The following NTN1 variants were observed in gnomAD, a reference collection of about 807,000 sequenced individuals.
NTN1 encodes the protein netrin 1.
Under a neutral mutation model 54.2 loss-of-function variants are expected in NTN1, and 11 were observed. The observed-to-expected ratio is 0.20, with a 90% CI of 0.13 to 0.34. The LOEUF (loss-of-function observed/expected upper bound fraction) is 0.34, where lower values mean the gene tolerates loss of function less well. NTN1 is among the 10% of genes least tolerant of loss of function. The pLI is 1.00. For synonymous variants in NTN1, 371 were observed against 382.0 expected, an observed-to-expected ratio of 0.97 and a Z score of 0.33; for missense variants, 740 against 893.1, an observed-to-expected ratio of 0.83 and a Z score of 2.18.
intron 2 of NTN1, among the ~76,000 whole-genome samples, chr17:9,106,972 G>A (rs1427164837): frequency 6.6e-6 from 1 of 152,206 alleles, no homozygotes; most frequent in East Asian, 1.9e-4. Flanking sequence ...CATACTGATC[G>A]CATTTAAAGC....
chr17:9,216,262 A>T (rs955238525), intron 5 of NTN1, among the ~76,000 whole-genome samples: 5 of 152,186 alleles, frequency 3.3e-5, no homozygotes, highest in African/African-American at 4.8e-5. Context: ...GCCCTTCTGA[A>T]GGGGATTTTA....
intron 2 of NTN1, among the ~76,000 whole-genome samples, chr17:9,045,154 G>T (rs1195710222): frequency 6.6e-6 from 1 of 152,236 alleles, no homozygotes; most frequent in Non-Finnish European, 1.5e-5. Flanking sequence ...AGGCCAGAAT[G>T]ATTCCTAGCC....
intron 2 of NTN1, among the ~76,000 whole-genome samples, chr17:9,046,537 G>C (rs944735912): frequency 6.6e-6 from 1 of 152,102 alleles, no homozygotes; most frequent in African/African-American, 2.4e-5. Context: ...CTACGATCCC[G>C]GTACTTCGGG....
intron 2 of NTN1, among the ~76,000 whole-genome samples, chr17:9,024,448 C>T (rs1430678876): frequency 6.6e-6 from 1 of 152,224 alleles, no homozygotes; most frequent in Non-Finnish European, 1.5e-5. Flanking sequence ...TATGAACGTA[C>T]AGATTTTTCC....
chr17:9,233,798 C>T (rs1905892354), intron 6 of NTN1, among the ~76,000 whole-genome samples: 1 of 151,538 alleles, frequency 6.6e-6, no homozygotes, highest in African/African-American at 2.4e-5. Context: ...TTCACTGCAG[C>T]CAGGGACGCG....
chr17:9,030,577 T>A (rs1214051283), intron 2 of NTN1, among the ~76,000 whole-genome samples: 1 of 151,980 alleles, frequency 6.6e-6, no homozygotes, highest in Non-Finnish European at 1.5e-5. Context: ...AAACCCCTTC[T>A]CTACTAAAAA....
chr17:9,158,402 G>A (rs2142295104), intron 2 of NTN1, among the ~76,000 whole-genome samples: 1 of 152,306 alleles, frequency 6.6e-6, no homozygotes, highest in South Asian at 2.1e-4. Context: ...ACAGGATGAT[G>A]CTGTTATCAG....
chr17:9,243,707 C>CTGCCCCCTCCTGTGTTTT lies in NTN1; in HGVS notation c.*3740_*3757dup, dbSNP rs1906309089. The CTGCCCCCTCCTGTGTTTT allele has an allele frequency of 6.6e-6, 1 of 152,294 alleles. No individual in the cohort carries two copies. Among genetic ancestry groups the CTGCCCCCTCCTGTGTTTT allele is most frequent in the African/African-American group, 2.4e-5 (1 of 41,436 alleles). The allele number at this position is 152,294 out of a possible 1,614,324, so 9.4% of individuals were successfully genotyped here. ...CCCAAATGCACTTCCCCTCCTCCCT[C>CTGCCCCCTCCTGTGTTTT]TGCCCCCTCCTGTGTTTTGGATTTC... On this transcript the variant is annotated 3_prime_UTR_variant, in exon 7 of 7. Transcript: ENST00000173229.
intron 2 of NTN1, among the ~76,000 whole-genome samples, chr17:9,029,504 C>G (rs573681641): frequency 2.0e-5 from 3 of 152,234 alleles, no homozygotes; most frequent in Non-Finnish European, 4.4e-5. Context: ...GACGGTTGTT[C>G]TGAATAGTAC....
At chr17:9,226,493 TGGGG>T (rs1226968673) in intron 6 of NTN1, among the ~76,000 whole-genome samples, 1 of 32,470 alleles carries the variant, frequency 3.1e-5, no homozygotes, top group East Asian at 2.8e-3. Context: ...GGCGGTCTCG[TGGGG>T]AGGTGGTCTC....
chr17:9,044,022 T>C (rs953303392), intron 2 of NTN1, among the ~76,000 whole-genome samples: 3 of 152,172 alleles, frequency 2.0e-5, no homozygotes, highest in African/African-American at 4.8e-5. Flanking sequence ...ACTAAGTTAA[T>C]GACTTTTCCT....
chr17:9,132,860 G>C (rs144645273), intron 2 of NTN1, among the ~76,000 whole-genome samples: 35 of 152,146 alleles, frequency 2.3e-4, no homozygotes, highest in African/African-American at 8.0e-4. Context: ...GGCAACAAGA[G>C]AGAAACTCTG....
chr17:9,210,728 G>C (rs530310725), intron 5 of NTN1, among the ~76,000 whole-genome samples: 1 of 152,060 alleles, frequency 6.6e-6, no homozygotes, highest in Admixed American at 6.5e-5. Context: ...CCAACATGGT[G>C]AAAGCCCATC....
intron 2 of NTN1, among the ~76,000 whole-genome samples, chr17:9,074,444 A>T (rs988650402): frequency 6.6e-6 from 1 of 152,168 alleles, no homozygotes; most frequent in Non-Finnish European, 1.5e-5. Flanking sequence ...TGAGTGTGCA[A>T]ATCAGTGGAA....
chr17:9,230,438 A>C (rs1905766376), intron 6 of NTN1, among the ~76,000 whole-genome samples: 15 of 71,016 alleles, frequency 2.1e-4, no homozygotes, highest in African/African-American at 2.6e-4. Context: ...GATTTCCCCC[A>C]CCAGATGTGA....
chr17:9,020,450 T>C (rs138269630), upstream of NTN1, among the ~76,000 whole-genome samples: 273 of 152,334 alleles, frequency 1.8e-3, 1 homozygote, highest in Non-Finnish European at 3.1e-3. Context: ...GCCCCGCAGA[T>C]GCCCCATGAC....
chr17:9,033,980 A>G (rs888266885), intron 2 of NTN1, among the ~76,000 whole-genome samples: 8 of 152,216 alleles, frequency 5.3e-5, no homozygotes, highest in Non-Finnish European at 1.2e-4. Context: ...TTTTAAGTCA[A>G]GATCAGAGAG....
At chr17:9,058,089 A>G (rs1448503071) in intron 2 of NTN1, among the ~76,000 whole-genome samples, 2 of 152,130 alleles carry the variant, frequency 1.3e-5, no homozygotes, top group Non-Finnish European at 1.5e-5. Context: ...GGGATTTGCC[A>G]TGTTGCCCAG....
At chr17:9,005,686 C>T in the NTN1 span, among the ~76,000 whole-genome samples, 4 of 152,192 alleles carry the variant, frequency 2.6e-5, no homozygotes, top group South Asian at 2.1e-4. Flanking sequence ...ACAGTCTTTT[C>T]GGTGTCCTCC....
Sources: allele counts gnomAD v4.1 joint callset (sites outside exome capture counted in the v4.1 genomes callset), GRCh38; gene constraint gnomAD v4.1.1; transcripts MANE v1.5; gene names NCBI Gene and HGNC (gene_info 2026-07-23, HGNC 2026-07-21).